Variants in ATG2B observed in about 807,000 individuals in gnomAD.
ATG2B encodes the protein autophagy-related protein 2 homolog B.
ATG2B carries 121 observed loss-of-function variants against 241.3 expected under a neutral mutation model. The ratio of observed to expected loss-of-function variants is 0.50; its 90% CI spans 0.43 to 0.58. The LOEUF (loss-of-function observed/expected upper bound fraction) is 0.58. ATG2B is among the 20% of genes least tolerant of loss of function. The pLI, the probability that ATG2B is intolerant of heterozygous loss-of-function variation, is 0.00. For missense variants in ATG2B, 2,306 were observed against 2,491.6 expected (o/e 0.93, Z 1.59); for synonymous variants, 858 against 876.6 (o/e 0.98, Z 0.37).
chr14:96,331,632 G>A lies in ATG2B; in HGVS notation c.1474C>T (p.Pro492Ser), dbSNP rs1368510904. ...TCATCCACTGAAACAGATCTAGATG[G>A]GAGAGCTAAAATACAAGTATTAAAA... is the stretch of plus-strand genomic sequence containing the variant. ...HPTPLQKTSL[P>S]SRSVSVDESR... Residue 492 changes from proline to serine, a missense_variant, in exon 11 of 42, where the codon CCA becomes TCA. Physicochemically the swap from Pro to Ser is moderately conservative, Grantham distance 74. Around this residue, in one of 2 missense-constraint regions of ATG2B, gnomAD observed 1,927 missense variants for 2,011.2 expected, o/e 0.96. Transcript: ENST00000359933. 1 of 1,588,326 alleles carries A rather than the reference G, an allele frequency of 6.3e-7. No homozygotes were observed. The highest frequency in any genetic ancestry group is 8.5e-7 in the Non-Finnish European group (1 of 1,171,264).
At chr14:96,350,235 G>A (rs1412207860) in intron 1 of ATG2B, among the ~76,000 whole-genome samples, 1 of 152,182 alleles carries the variant, frequency 6.6e-6, no homozygotes, top group African/African-American at 2.4e-5. Flanking sequence ...CTTATACAGT[G>A]TAAAATGAGA....
At position 96,315,530 on chromosome 14, in the gene ATG2B, G is replaced by A. The variant is rs769365128; in HGVS notation, c.3415C>T (p.Arg1139Cys). ...ATAGTAGGTTCCAACCAGTGTGGGCGGGTTGAGCTGGGAAGTCGTGTTTCT... is the reference window on the plus strand; with the variant it reads ...ATAGTAGGTTCCAACCAGTGTGGGCAGGTTGAGCTGGGAAGTCGTGTTTCT... Reference protein sequence around the residue: ...PTETRLPSSTRPHWLEPTIYS... With the variant: ...PTETRLPSSTCPHWLEPTIYS... Residue 1139 changes from arginine (R) to cysteine (C), a missense_variant, in exon 22 of 42, where the codon CGC (arginine) becomes TGC (cysteine). Arg to Cys is a radical substitution (Grantham distance 180). Transcript: ENST00000359933. The A allele has an allele frequency of 2.8e-5, 45 of 1,614,030 alleles. No individual in the cohort carries two copies. Among genetic ancestry groups the A allele is most frequent in the Admixed American group, 5.0e-5 (3 of 60,004 alleles).
In ATG2B at chr14:96,356,776, A is replaced by T. The variant is rs143016617; in HGVS notation, c.162+6039T>A. 5.4e-3 allele frequency among the ~76,000 whole-genome samples: 820 copies of T among 152,274 alleles called. 28 individuals are homozygous for T. In the South Asian group the frequency reaches 0.067, roughly 12 times the overall value. On this transcript the variant is annotated intron_variant, in intron 1 of 41. Coordinates refer to ENST00000359933, the MANE Select transcript of ATG2B (RefSeq NM_018036.7). ...GGGGCAGTGTGGTGTACAAAAAAAA[A>T]ATATAAAGTCAGAAAGACAGGTTTC...
At chr14:96,355,275 T>A (rs889371931) in intron 1 of ATG2B, among the ~76,000 whole-genome samples, 1 of 152,246 alleles carries the variant, frequency 6.6e-6, no homozygotes, top group Non-Finnish European at 1.5e-5. Context: ...TGGGGTTTTA[T>A]AATTAAGTCT....
intron 26 of ATG2B, 122 bp from the exon 27 acceptor site, chr14:96,311,740 T>C (rs1002743202): frequency 6.3e-6 from 4 of 630,226 alleles, no homozygotes; most frequent in African/African-American, 1.9e-5. Context: ...CAAATAATTA[T>C]AATGCAATGA....
chr14:96,309,302 G>C, intron 29 of ATG2B, 151 bp downstream of exon 29: 1 of 947,070 alleles, frequency 1.1e-6, no homozygotes, highest in East Asian at 2.5e-5. Context: ...CTATTTACTA[G>C]ACACTGAGTA....
rs199502512 is a variant in ATG2B, at chr14:96,340,209, T to TTGTG, written c.924+1309_924+1312dup. ...CGTATATATATTCACACACACATCTTTGTGTGTGTGTGTGTGTGTGTGTGT... is the reference window on the plus strand; with the variant it reads ...CGTATATATATTCACACACACATCTTTGTGTGTGTGTGTGTGTGTGTGTGTGTGT... On this transcript the variant is annotated intron_variant, in intron 6 of 41. Coordinates refer to ENST00000359933, the MANE Select transcript of ATG2B (RefSeq NM_018036.7). Among the ~76,000 whole-genome samples the TTGTG allele has an allele frequency of 4.6e-4, 42 of 90,386 alleles. 1 individual carries two copies. The highest frequency in any genetic ancestry group is 1.1e-3 in the East Asian group (3 of 2,656). 59.3% of individuals were successfully genotyped at this position (90,386 alleles called of 152,430 possible).
intron 4 of ATG2B, 124 bp from the exon 5 acceptor site, chr14:96,343,405 A>G (rs1888096243): frequency 7.0e-6 from 2 of 287,214 alleles, no homozygotes; most frequent in Non-Finnish European, 1.2e-5. Context: ...TTAAAGTATA[A>G]TAATAATAAT....
Position 96,290,507 on chromosome 14 carries a change from C to G in ATG2B, c.5785G>C (p.Ala1929Pro). 5 of 1,614,190 alleles carry G rather than the reference C, an allele frequency of 3.1e-6. No individual in the cohort carries two copies. The highest frequency in any genetic ancestry group is 4.2e-6 in the Non-Finnish European group (5 of 1,180,030). Residue 1929 changes from alanine to proline, a missense_variant, in exon 40 of 42, where the codon GCT becomes CCT. Physicochemically the swap from Ala to Pro is conservative, Grantham distance 27. Transcript: ENST00000359933. This position sits in a 1 kb window ranked among gnomAD's most constrained non-coding sequence, Gnocchi z 4.4. ...GCTGTCGAGGTACCAAAGGAAGCAG[C>G]GCCTCTCTGAAACCCTCTGACAATG... ...GRIVRGFQRGAASFGTSTAMA... is the reference protein window; with the variant it reads ...GRIVRGFQRGPASFGTSTAMA...
In ATG2B at chr14:96,334,479, T is replaced by C. The variant is rs751129692; in HGVS notation, c.947A>G (p.Asp316Gly). 6.2e-7 allele frequency: 1 copy of C among 1,602,826 alleles called. No individual in the cohort carries two copies. Among genetic ancestry groups the C allele is most frequent in the Admixed American group, 1.7e-5 (1 of 57,922 alleles). Residue 316 changes from aspartate (D) to glycine (G), a missense_variant, in exon 7 of 42, where the codon GAC becomes GGC. Physicochemically the swap from Asp to Gly is moderately conservative, Grantham distance 94. Coordinates refer to ENST00000359933, the MANE Select transcript of ATG2B (RefSeq NM_018036.7). ...TGGTGACAGGAGTAGATGAATAGAG[T>C]CTATCTGTCCATCAACATCCAACTT... is the stretch of plus-strand genomic sequence containing the variant. Reference protein sequence around the residue: ...GAKLDVDGQIDSIHLLLSPRQ... With the variant: ...GAKLDVDGQIGSIHLLLSPRQ...
Position 96,309,460 on chromosome 14 carries a change from C to T in ATG2B, c.4296G>A (p.Gln1432=), listed in dbSNP as rs994839601. 1.9e-6 allele frequency: 3 copies of T among 1,613,588 alleles called. No homozygotes were observed. In the African/African-American group the frequency reaches 4.0e-5, roughly 22 times the overall value. ...GAAGAGTCCTGGTCTTACCATTAGC[C>T]TGTGGTTTTACTGACGAGGTGCCTT... ...MQQGTSSVKP[Q]ANGVLDEKSQ... The change falls in exon 29 of 42, where the codon CAG becomes CAA. Residue 1432 remains glutamine (Q), a synonymous_variant. Coordinates refer to ENST00000359933, the MANE Select transcript of ATG2B (RefSeq NM_018036.7).
In ATG2B at chr14:96,312,185, A is replaced by G. The variant is rs187035614; in HGVS notation, c.3843-26T>C. ...CTGAGGCAAGAAAGATAAAACCAAC[A>G]TCTGAAAAACTAAGCTTTGAGTATC... On this transcript the variant is annotated intron_variant, in intron 25 of 41. Transcript: ENST00000359933. 4.5e-6 allele frequency: 7 copies of G among 1,566,222 alleles called. No homozygotes were observed. In the African/African-American group the frequency reaches 9.6e-5, roughly 22 times the overall value.
chr14:96,303,165 C>A lies in ATG2B; in HGVS notation c.4933G>T (p.Val1645Phe), dbSNP rs955767755. The change falls in exon 33 of 42, where the codon GTT becomes TTT. Residue 1645 changes from valine to phenylalanine, a missense_variant. Around this residue, in one of 2 missense-constraint regions of ATG2B, gnomAD observed 1,927 missense variants for 2,011.2 expected, o/e 0.96. Coordinates refer to ENST00000359933, the MANE Select transcript of ATG2B (RefSeq NM_018036.7). ...CGATCTCGAATCTCAAGATCCTGAA[C>A]AATGAACACCTGCCGGGAGACTGGG... ...EHPVSRQVFI[V>F]QDLEIRDRLA... The A allele has an allele frequency of 1.9e-6, 3 of 1,613,218 alleles. No individual in the cohort carries two copies. The African/African-American group carries it at 4.0e-5, about 22-fold the overall frequency.
intron 1 of ATG2B, among the ~76,000 whole-genome samples, chr14:96,349,948 C>A (rs1048621267): frequency 6.6e-6 from 1 of 152,048 alleles, no homozygotes; most frequent in African/African-American, 2.4e-5. Context: ...TTGAGCTGAG[C>A]AGTTTGAGAC....
Position 96,363,004 on chromosome 14 carries a change from C to A in ATG2B, c.-28G>T, listed in dbSNP as rs752602512. 5 of 1,611,340 alleles carry A rather than the reference C, an allele frequency of 3.1e-6. No individual in the cohort carries two copies. Among genetic ancestry groups the A allele is most frequent in the East Asian group, 2.2e-5 (1 of 44,800 alleles). ...TGACTGCTGGCAGCTGGGCTGACTG[C>A]GGCTGCGGGTTGCGACGGCTCCGGC... is the stretch of plus-strand genomic sequence containing the variant. On this transcript the variant is annotated 5_prime_UTR_variant, in exon 1 of 42. Transcript: ENST00000359933.
At position 96,283,117 on chromosome 14, in the gene ATG2B, T is replaced by C. The variant is rs1005914021; in HGVS notation, c.*2638A>G. 1.3e-5 allele frequency: 2 copies of C among 152,146 alleles called. No individual in the cohort carries two copies. The highest frequency in any genetic ancestry group is 2.9e-5 in the Non-Finnish European group (2 of 68,050). The allele number at this position is 152,146 out of a possible 1,614,324, so 9.4% of individuals were successfully genotyped here. On this transcript the variant is annotated 3_prime_UTR_variant, in exon 42 of 42. Coordinates refer to ENST00000359933, the MANE Select transcript of ATG2B (RefSeq NM_018036.7). ...AGCTCCATTCAAGAGGAAGACACGG[T>C]TGTGGCCTCAGCTGCCTCTCTACTC...
At position 96,309,353 on chromosome 14, in the gene ATG2B, T is replaced by C; in HGVS notation, c.4303+100A>G. On this transcript the variant is annotated intron_variant, in intron 29 of 41. Coordinates refer to ENST00000359933, the MANE Select transcript of ATG2B (RefSeq NM_018036.7). ...ATTAACAGATATCCATAAAAACTCA[T>C]ATGCGTCTTTAATAAGTGACTTATT... 5 of 1,410,154 alleles carry C rather than the reference T, an allele frequency of 3.5e-6. No homozygotes were observed. In the South Asian group the frequency reaches 7.2e-5, roughly 20 times the overall value. The allele number at this position is 1,410,154 out of a possible 1,614,324, so 87.4% of individuals were successfully genotyped here. A position where few individuals can be genotyped will look rare whatever the true frequency, so the allele number is the denominator to read the frequency against.
At position 96,292,221 on chromosome 14, in the gene ATG2B, C is replaced by G; in HGVS notation, c.5427-123G>C. Reference sequence around the variant, plus strand: ...ACCACAAAATAAATCATATAAATATCTTAAGAACTAAATAAAAGAGAATGT... The same window carrying G: ...ACCACAAAATAAATCATATAAATATGTTAAGAACTAAATAAAAGAGAATGT... On this transcript the variant is annotated intron_variant, in intron 36 of 41. Coordinates refer to ENST00000359933, the MANE Select transcript of ATG2B (RefSeq NM_018036.7). The G allele has an allele frequency of 7.2e-6, 4 of 558,452 alleles. No individual in the cohort carries two copies. In the South Asian group the frequency reaches 1.1e-4, roughly 15 times the overall value. 34.6% of individuals were successfully genotyped at this position (558,452 alleles called of 1,614,324 possible). A position where few individuals can be genotyped will look rare whatever the true frequency, so the allele number is the denominator to read the frequency against.
Position 96,328,736 on chromosome 14 carries a change from C to G in ATG2B, c.1912G>C (p.Gly638Arg), listed in dbSNP as rs1038420024. ...TGAAGACACACAGGGGAATGGGAACCAGTTTCTTCTTTGGAATGGAACGTT... is the reference window on the plus strand; with the variant it reads ...TGAAGACACACAGGGGAATGGGAACGAGTTTCTTCTTTGGAATGGAACGTT... ...LLTFHSKEET[G>R]SHSPVCLQLH... Residue 638 changes from glycine to arginine, a missense_variant, in exon 13 of 42, where the codon GGT becomes CGT. Transcript: ENST00000359933. 1.9e-6 allele frequency: 3 copies of G among 1,611,458 alleles called. No homozygotes were observed. Among genetic ancestry groups the G allele is most frequent in the Admixed American group, 1.7e-5 (1 of 59,874 alleles).
Sources: allele counts gnomAD v4.1 joint callset (sites outside exome capture counted in the v4.1 genomes callset), GRCh38; gene constraint gnomAD v4.1.1; regional missense constraint gnomAD v4.1.1; non-coding constraint Gnocchi (gnomAD v3.1); transcripts MANE v1.5; gene names NCBI Gene and HGNC (gene_info 2026-07-23, HGNC 2026-07-21).